CASZ1: variants seen among roughly 807,000 people sequenced by gnomAD.
The protein encoded by CASZ1 is zinc finger protein castor homolog 1.
CASZ1 carries 28 observed loss-of-function variants against 135.2 expected under a neutral mutation model. The observed-to-expected ratio is 0.21, with a 90% CI of 0.15 to 0.28. The LOEUF (loss-of-function observed/expected upper bound fraction) is 0.28, where lower values mean the gene tolerates loss of function less well. Among genes scored for constraint, CASZ1 ranks in the 10% least tolerant of loss-of-function variants. The probability of loss-of-function intolerance (pLI) is 1.00; values close to 1 mark genes in which losing one functional copy is unlikely to be tolerated. For missense variants in CASZ1, 2,161 were observed against 2,453.3 expected, an observed-to-expected ratio of 0.88 and a Z score of 2.52; for synonymous variants, 1,068 against 1,073.4, an observed-to-expected ratio of 0.99 and a Z score of 0.10.
At position 10,641,337 on chromosome 1, in the gene CASZ1, C is replaced by T. The variant is rs1337432625; in HGVS notation, c.4163-1278G>A. Among the ~76,000 whole-genome samples, 4 of 152,332 alleles carry T rather than the reference C, an allele frequency of 2.6e-5. No individual in the cohort carries two copies. The East Asian group carries it at 5.8e-4, about 22-fold the overall frequency. On this transcript the variant is annotated intron_variant, in intron 20 of 20. Transcript: ENST00000377022. ...GGAAGTCCCTGAGGAGGGGGAGGCT[C>T]GGCCCTGCCCTGGCCATAACTCCTG... is the stretch of plus-strand genomic sequence containing the variant.
chr1:10,787,512 C>T (rs1309762486), intron 1 of CASZ1, among the ~76,000 whole-genome samples: 1 of 152,190 alleles, frequency 6.6e-6, no homozygotes, highest in Non-Finnish European at 1.5e-5. Context: ...TCCCCGGGGG[C>T]GAGGGGGGCG....
intron 2 of CASZ1, among the ~76,000 whole-genome samples, chr1:10,728,157 C>G (rs1361362769): frequency 1.3e-5 from 2 of 152,230 alleles, no homozygotes; most frequent in Non-Finnish European, 2.9e-5. Context: ...CCATTGGCAC[C>G]AGGCCGCACA....
rs1189980678 is a variant in CASZ1 at position 10,642,904 on chromosome 1, G to A, written c.4117C>T (p.Arg1373Trp). 5.0e-6 allele frequency: 8 copies of A among 1,613,028 alleles called. No homozygotes were observed. Among genetic ancestry groups the A allele is most frequent in the Middle Eastern group, 1.7e-4 (1 of 6,056 alleles). ...AMSSESSTMD[R>W]SCSSTPVGNE... ...CCCACGGGGGTGCTGGAGCAGCTCCGGTCCATGGTGGATGACTCAGAGGAC... is the reference window on the plus strand; with the variant it reads ...CCCACGGGGGTGCTGGAGCAGCTCCAGTCCATGGTGGATGACTCAGAGGAC... Residue 1373 changes from arginine (R) to tryptophan (W), a missense_variant, in exon 20 of 21, where the codon CGG becomes TGG. Transcript: ENST00000377022.
Position 10,694,016 on chromosome 1 carries a change from G to A in CASZ1, c.-23-104C>T, listed in dbSNP as rs1638853722. ...CCTGCTTGTCCCCCGCCCCGCAGGA[G>A]CGGCCCGTCCCGGGCGGGCGCCGAG... is the stretch of plus-strand genomic sequence containing the variant. On this transcript the variant is annotated intron_variant, in intron 3 of 20. Transcript: ENST00000377022. This position sits in a 1 kb window ranked among gnomAD's most constrained non-coding sequence, Gnocchi z 6.6. The A allele has an allele frequency of 6.1e-6, 7 of 1,147,642 alleles. No individual in the cohort carries two copies. The highest frequency in any genetic ancestry group is 6.2e-6 in the Non-Finnish European group (5 of 803,892). 71.1% of individuals were successfully genotyped at this position (1,147,642 alleles called of 1,614,324 possible). A position where few individuals can be genotyped will look rare whatever the true frequency, so the allele number is the denominator to read the frequency against.
intron 2 of CASZ1, among the ~76,000 whole-genome samples, chr1:10,749,346 C>G (rs1221384106): frequency 6.6e-6 from 1 of 152,038 alleles, no homozygotes; most frequent in Non-Finnish European, 1.5e-5. Context: ...TTCCCTGGTT[C>G]AAGCAATTCT....
chr1:10,778,851 G>A (rs926530920), intron 1 of CASZ1, among the ~76,000 whole-genome samples: 2 of 152,158 alleles, frequency 1.3e-5, no homozygotes, highest in Admixed American at 6.5e-5. Context: ...CAGAACACCA[G>A]GGACCCGCCT....
chr1:10,685,567 G>T (rs1163308131), intron 4 of CASZ1, among the ~76,000 whole-genome samples: 1 of 152,232 alleles, frequency 6.6e-6, no homozygotes, highest in Non-Finnish European at 1.5e-5. Flanking sequence ...GGGTGAGTTT[G>T]TCAGGGAGCA....
At chr1:10,688,335 T>C (rs284256) in intron 4 of CASZ1, among the ~76,000 whole-genome samples, 7,352 of 152,044 alleles carry the variant, frequency 0.048, 629 homozygotes, top group African/African-American at 0.17. Context: ...GCAAGAAAGG[T>C]AGCAGGGAGG....
rs1028360555 is a variant in CASZ1 at position 10,776,680 on chromosome 1, A to G, written c.-233-15823T>C. On this transcript the variant is annotated intron_variant, in intron 1 of 20. Transcript: ENST00000377022. This position sits in a 1 kb window ranked among gnomAD's most constrained non-coding sequence, Gnocchi z 4.1. ...GGGAAACTGGCATCTCTGGTTTGAC[A>G]GGTTGTGGGAGAGGGTTGGCTGCAT... is the stretch of plus-strand genomic sequence containing the variant. Among the ~76,000 whole-genome samples the G allele has an allele frequency of 3.3e-5, 5 of 152,158 alleles. No homozygotes were observed. The highest frequency in any genetic ancestry group is 7.4e-5 in the Non-Finnish European group (5 of 68,018).
intron 1 of CASZ1, among the ~76,000 whole-genome samples, chr1:10,782,592 G>A (rs897010721): frequency 3.3e-5 from 5 of 152,198 alleles, no homozygotes; most frequent in East Asian, 1.9e-4. Context: ...GGTGGGGGCC[G>A]GGTGGGTCAC....
At chr1:10,752,152 G>A (rs1475525652) in intron 2 of CASZ1, among the ~76,000 whole-genome samples, 1 of 152,210 alleles carries the variant, frequency 6.6e-6, no homozygotes, top group Middle Eastern at 3.2e-3. Context: ...GGGGATTCTT[G>A]CTCAGTGCCC....
At chr1:10,678,144 C>T (rs533233702) in intron 4 of CASZ1, among the ~76,000 whole-genome samples, 5 of 152,298 alleles carry the variant, frequency 3.3e-5, no homozygotes, top group South Asian at 2.1e-4. Context: ...CCAGGAGAGG[C>T]GGCGGCGTGG....
At chr1:10,710,754 C>T (rs1408931242) in intron 2 of CASZ1, among the ~76,000 whole-genome samples, 2 of 152,272 alleles carry the variant, frequency 1.3e-5, no homozygotes, top group East Asian at 1.9e-4. Context: ...TCTCTCTTGT[C>T]CCTGCTCCAC....
intron 1 of CASZ1, among the ~76,000 whole-genome samples, chr1:10,768,210 G>T (rs891833076): frequency 7.0e-6 from 1 of 143,494 alleles, no homozygotes; most frequent in African/African-American, 2.6e-5. Context: ...TTGTTCGTTT[G>T]TTTGTTTGTT....
intron 2 of CASZ1, among the ~76,000 whole-genome samples, chr1:10,730,479 A>G (rs284278): frequency 0.57 from 86,432 of 152,070 alleles, 25,556 homozygotes; most frequent in Non-Finnish European, 0.65. Context: ...TGCCTGTCTG[A>G]AGGACATGGA....
At chr1:10,745,958 C>T (rs924989644) in intron 2 of CASZ1, among the ~76,000 whole-genome samples, 1 of 152,236 alleles carries the variant, frequency 6.6e-6, no homozygotes, top group East Asian at 1.9e-4. Context: ...TCCTCCCGCC[C>T]TGGGGGATCG....
intron 2 of CASZ1, among the ~76,000 whole-genome samples, chr1:10,730,329 C>T (rs1341392708): frequency 1.3e-5 from 2 of 152,104 alleles, no homozygotes; most frequent in African/African-American, 4.8e-5. Flanking sequence ...CCACTGCGCC[C>T]GGCCCCATAT....
chr1:10,642,840 G>A lies in CASZ1; in HGVS notation c.4162+19C>T, dbSNP rs2124667974. ...GGAGTGGGGCCTGGCCCTGCCAGCA[G>A]CCCCTGCCTGCCGCTCACCTGCCGC... On this transcript the variant is annotated intron_variant, in intron 20 of 20. Transcript: ENST00000377022. 6.2e-7 allele frequency: 1 copy of A among 1,609,798 alleles called. No homozygotes were observed. The highest frequency in any genetic ancestry group is 8.5e-7 in the Non-Finnish European group (1 of 1,178,418).
intron 5 of CASZ1, among the ~76,000 whole-genome samples, chr1:10,663,069 C>T (rs547321638): frequency 7.2e-5 from 11 of 152,350 alleles, no homozygotes; most frequent in East Asian, 3.9e-4. Flanking sequence ...GAGACCTGCA[C>T]GGCCCCCGGG....
Sources: gnomAD v4.1 joint callset for allele counts (sites outside exome capture counted in the v4.1 genomes callset) on GRCh38, gnomAD v4.1.1 for gene constraint, Gnocchi (gnomAD v3.1) non-coding constraint, MANE v1.5 for transcripts, NCBI Gene and HGNC (gene_info 2026-07-23, HGNC 2026-07-21) for gene names.